Variants in FARP1 observed in about 807,000 individuals in gnomAD.
The protein encoded by FARP1 is FERM, ARHGEF and pleckstrin domain-containing protein 1.
FARP1 carries 52 observed loss-of-function variants against 128.8 expected under a neutral mutation model. That is an observed-to-expected ratio of 0.40 (90% CI 0.32 to 0.51). The LOEUF (loss-of-function observed/expected upper bound fraction) is 0.51, where lower values mean the gene tolerates loss of function less well. FARP1 is among the 20% of genes least tolerant of loss of function. The pLI, the probability that FARP1 is intolerant of heterozygous loss-of-function variation, is 0.45. For missense variants in FARP1, 1,333 were observed against 1,367.9 expected, an observed-to-expected ratio of 0.97 and a Z score of 0.40; for synonymous variants, 580 against 551.8, an observed-to-expected ratio of 1.05 and a Z score of -0.72.
intron 5 of FARP1, among the ~76,000 whole-genome samples, chr13:98,372,561 T>C (rs1291435549): frequency 6.6e-6 from 1 of 152,208 alleles, no homozygotes; most frequent in Non-Finnish European, 1.5e-5. Context: ...CTCTGCGCCC[T>C]GCACGCCCTA....
At chr13:98,217,298 A>G (rs1468593321) in intron 2 of FARP1, among the ~76,000 whole-genome samples, 4 of 152,006 alleles carry the variant, frequency 2.6e-5, no homozygotes, top group Non-Finnish European at 4.4e-5. Flanking sequence ...CTTGGGGAAG[A>G]TGCTCACAGG....
intron 2 of FARP1, among the ~76,000 whole-genome samples, chr13:98,226,476 CTT>C (rs61064188): frequency 1.4e-5 from 2 of 146,080 alleles, no homozygotes; most frequent in Non-Finnish European, 1.5e-5. Context: ...AGGACTTCAT[CTT>C]TTTTTTTTTT....
intron 1 of FARP1, among the ~76,000 whole-genome samples, chr13:98,179,587 T>C (rs1221927627): frequency 6.6e-6 from 1 of 152,064 alleles, no homozygotes; most frequent in African/African-American, 2.4e-5. Flanking sequence ...TGACTTGGCC[T>C]GGCATGGTGG....
chr13:98,333,677 GA>G (rs1245444437), intron 2 of FARP1: 3 of 152,186 alleles, frequency 2.0e-5, no homozygotes, highest in Admixed American at 6.6e-5. Flanking sequence ...TTGCTGAGGG[GA>G]ACAAGGAGAC....
At chr13:98,358,224 A>G (rs1377437453) in intron 3 of FARP1, among the ~76,000 whole-genome samples, 1 of 150,962 alleles carries the variant, frequency 6.6e-6, no homozygotes, top group Non-Finnish European at 1.5e-5. Context: ...TCTCCCCTCC[A>G]TCTCTTGCAC....
intron 2 of FARP1, among the ~76,000 whole-genome samples, chr13:98,219,744 C>T (rs1250509036): frequency 1.3e-5 from 2 of 152,224 alleles, no homozygotes; most frequent in Non-Finnish European, 2.9e-5. Flanking sequence ...TGGCTCACTG[C>T]CGCCTTGACC....
chr13:98,228,961 A>G (rs1168509605), intron 2 of FARP1, among the ~76,000 whole-genome samples: 2 of 152,222 alleles, frequency 1.3e-5, no homozygotes, highest in Non-Finnish European at 2.9e-5. Context: ...GGAATTTGTT[A>G]TTCTTTTTAA....
In FARP1 at chr13:98,355,542, A is replaced by T. The variant is rs574300356; in HGVS notation, c.277-9853A>T. 4.6e-3 allele frequency among the ~76,000 whole-genome samples: 694 copies of T among 152,274 alleles called. 5 individuals carry two copies. Among genetic ancestry groups the T allele is most frequent in the Middle Eastern group, 0.017 (5 of 294 alleles). The stretch of plus-strand genomic sequence containing the variant: ...GCACATTCTCAGGGCCGCATCCCAG[A>T]TTAGGAACTCTGGGAACAGGGCCCA... On this transcript the variant is annotated intron_variant, in intron 3 of 26. Coordinates refer to ENST00000319562, the MANE Select transcript of FARP1 (RefSeq NM_005766.4).
chr13:98,309,872 A>G (rs1245305157), intron 2 of FARP1, among the ~76,000 whole-genome samples: 2 of 152,162 alleles, frequency 1.3e-5, no homozygotes, highest in African/African-American at 2.4e-5. Context: ...ACTTTAACAC[A>G]ATGGGAGATA....
intron 2 of FARP1, among the ~76,000 whole-genome samples, chr13:98,295,046 TACACACACAC>T (rs746373395): frequency 0.098 from 10,596 of 108,080 alleles, 638 homozygotes; most frequent in African/African-American, 0.15. Context: ...ATATATATAT[TACACACACAC>T]ACACACACAC....
rs142690289 is a variant in FARP1 at position 98,334,604 on chromosome 13, G to A, written c.172-9158G>A. On this transcript the variant is annotated intron_variant, in intron 2 of 26. Coordinates refer to ENST00000319562, the MANE Select transcript of FARP1 (RefSeq NM_005766.4). ...TCTCTAGCCCTTTCATGACTCATGT[G>A]CTGTGGACTAAATTGTACTCCCCAC... is the stretch of plus-strand genomic sequence containing the variant. Among the ~76,000 whole-genome samples the A allele has an allele frequency of 3.9e-3, 587 of 152,268 alleles. 3 individuals are homozygous for A. The highest frequency in any genetic ancestry group is 0.013 in the African/African-American group (547 of 41,556).
chr13:98,209,247 A>G (rs1457668077), intron 1 of FARP1, among the ~76,000 whole-genome samples: 2 of 151,690 alleles, frequency 1.3e-5, no homozygotes, highest in Non-Finnish European at 2.9e-5. Flanking sequence ...TGACCTCGTG[A>G]TCCACCCGCC....
At chr13:98,411,049 C>G (rs1891171176) in intron 15 of FARP1, among the ~76,000 whole-genome samples, 1 of 152,096 alleles carries the variant, frequency 6.6e-6, no homozygotes, top group African/African-American at 2.4e-5. Flanking sequence ...GAAGGAAGTT[C>G]CTAAGGCAGA....
intron 1 of FARP1, among the ~76,000 whole-genome samples, chr13:98,189,826 A>T (rs1327988766): frequency 6.6e-6 from 1 of 152,218 alleles, no homozygotes; most frequent in African/African-American, 2.4e-5. Context: ...CAGGAGCAAC[A>T]GTTGAGATTT....
chr13:98,448,290 G>A lies in FARP1; in HGVS notation c.3111G>A (p.Leu1037=), dbSNP rs564920541. The A allele has an allele frequency of 1.2e-6, 2 of 1,614,016 alleles. No individual in the cohort carries two copies. Among genetic ancestry groups the A allele is most frequent in the Admixed American group, 1.7e-5 (1 of 60,030 alleles). The change falls in exon 27 of 27, where the codon TTG becomes TTA. Residue 1037 remains leucine (L), a synonymous_variant. Coordinates refer to ENST00000319562, the MANE Select transcript of FARP1 (RefSeq NM_005766.4). ...GCTCTGCCTCGCGACCCCACGTGTTGAGTCACAAAGAGTCTCTTGTGTATT... is the reference window on the plus strand; with the variant it reads ...GCTCTGCCTCGCGACCCCACGTGTTAAGTCACAAAGAGTCTCTTGTGTATT... ...ATSSASRPHV[L]SHKESLVY is the part of the protein sequence containing the mutation.
intron 1 of FARP1, among the ~76,000 whole-genome samples, chr13:98,194,955 C>T (rs1879479264): frequency 6.6e-6 from 1 of 152,188 alleles, no homozygotes. Context: ...CTTCCCAGCC[C>T]CTTCTCAGCT....
chr13:98,443,940 G>A (rs982022158), intron 24 of FARP1, among the ~76,000 whole-genome samples: 4 of 152,276 alleles, frequency 2.6e-5, no homozygotes, highest in African/African-American at 2.4e-5. Flanking sequence ...TTTGTTCCCC[G>A]TGGCGTCACT....
At chr13:98,311,059 G>A (rs1886438062) in intron 2 of FARP1, among the ~76,000 whole-genome samples, 3 of 152,326 alleles carry the variant, frequency 2.0e-5, no homozygotes, top group Non-Finnish European at 4.4e-5. Flanking sequence ...TTAAGGACCT[G>A]TTGCTTCTTA....
intron 17 of FARP1, among the ~76,000 whole-genome samples, chr13:98,425,115 C>T (rs1464562189): frequency 2.0e-5 from 3 of 151,638 alleles, no homozygotes; most frequent in Non-Finnish European, 4.4e-5. Context: ...ATCACTTTAG[C>T]GAAAGCATTT....
Sources: gnomAD v4.1 joint callset for allele counts (sites outside exome capture counted in the v4.1 genomes callset) on GRCh38, gnomAD v4.1.1 for gene constraint, MANE v1.5 for transcripts, NCBI Gene and HGNC (gene_info 2026-07-23, HGNC 2026-07-21) for gene names.